Variants in GRK3 observed in about 807,000 individuals in gnomAD.
The protein encoded by GRK3 is G protein-coupled receptor kinase 3.
GRK3 carries 54 observed loss-of-function variants against 95.7 expected under a neutral mutation model. The observed-to-expected ratio is 0.56, with a 90% CI of 0.45 to 0.71. The LOEUF is 0.71. Ranked by LOEUF, GRK3 falls within the 30% of genes least tolerant of loss-of-function variation. The pLI is 0.00. For missense variants in GRK3, 649 were observed against 851.2 expected (o/e 0.76, Z 2.96); for synonymous variants, 281 against 290.8 (o/e 0.97, Z 0.34).
At chr22:25,576,968 A>C (rs1467586862) in intron 1 of GRK3, among the ~76,000 whole-genome samples, 1 of 152,226 alleles carries the variant, frequency 6.6e-6, no homozygotes, top group East Asian at 1.9e-4. Context: ...CATGTTAACT[A>C]ATAAGATTGT....
At chr22:25,567,694 A>G (rs1459878806) in intron 1 of GRK3, among the ~76,000 whole-genome samples, 2 of 152,242 alleles carry the variant, frequency 1.3e-5, no homozygotes, top group Admixed American at 6.5e-5. Flanking sequence ...AGAAGCATAC[A>G]TTTTAATTTG....
intron 2 of GRK3, among the ~76,000 whole-genome samples, chr22:25,637,288 C>A (rs1343133829): frequency 6.6e-6 from 1 of 152,172 alleles, no homozygotes; most frequent in Admixed American, 6.5e-5. Flanking sequence ...TCTGTTTCTC[C>A]AGCTTGCAGA....
intron 9 of GRK3, among the ~76,000 whole-genome samples, chr22:25,679,916 C>A (rs191216163): frequency 4.3e-4 from 66 of 152,306 alleles, no homozygotes; most frequent in African/African-American, 1.4e-3. Context: ...TCTGAAAAAA[C>A]CAAATTTTAG....
chr22:25,611,934 G>A (rs1164918157), intron 2 of GRK3, among the ~76,000 whole-genome samples: 1 of 147,410 alleles, frequency 6.8e-6, no homozygotes, highest in Non-Finnish European at 1.5e-5. Context: ...CCAGGTTCAA[G>A]TGATTCTCCT....
intron 13 of GRK3, among the ~76,000 whole-genome samples, chr22:25,701,789 G>A (rs1601537632): frequency 6.6e-6 from 1 of 152,150 alleles, no homozygotes; most frequent in East Asian, 1.9e-4. Context: ...ACATCGTCGG[G>A]TGGAAACAGC....
intron 18 of GRK3, 84 bp downstream of exon 18, chr22:25,714,654 G>T (rs983460047): frequency 2.0e-5 from 27 of 1,337,182 alleles, no homozygotes; most frequent in Non-Finnish European, 2.6e-5. Context: ...TATTTGGGTC[G>T]TAAGGTATTT....
At chr22:25,697,498 G>T (rs138815655) in intron 13 of GRK3, among the ~76,000 whole-genome samples, 5 of 152,204 alleles carry the variant, frequency 3.3e-5, no homozygotes, top group African/African-American at 9.6e-5. Flanking sequence ...GAGGATGGCC[G>T]TGAGGCTGGG....
Position 25,568,253 on chromosome 22 carries a change from C to A in GRK3, c.113+3100C>A, listed in dbSNP as rs147429022. 5.3e-3 allele frequency among the ~76,000 whole-genome samples: 806 copies of A among 152,164 alleles called. 5 individuals are homozygous for A. The highest frequency in any genetic ancestry group is 9.5e-3 in the Non-Finnish European group (649 of 68,020). ...GCAAAGGCCCACAAAGGGTCATCATCTTAAGCCCTGGAGTGATTCAGACGA... is the reference window on the plus strand; with the variant it reads ...GCAAAGGCCCACAAAGGGTCATCATATTAAGCCCTGGAGTGATTCAGACGA... On this transcript the variant is annotated intron_variant, in intron 1 of 20. Coordinates refer to ENST00000324198, the MANE Select transcript of GRK3 (RefSeq NM_005160.4).
At chr22:25,589,312 A>T (rs1932419080) in intron 1 of GRK3, among the ~76,000 whole-genome samples, 1 of 152,190 alleles carries the variant, frequency 6.6e-6, no homozygotes, top group Non-Finnish European at 1.5e-5. Flanking sequence ...TAAGGTGTTG[A>T]CGTACAACCT....
At chr22:25,632,392 C>T (rs553807938) in intron 2 of GRK3, among the ~76,000 whole-genome samples, 1 of 152,262 alleles carries the variant, frequency 6.6e-6, no homozygotes, top group Non-Finnish European at 1.5e-5. Context: ...TTTGTGTTCT[C>T]ATTATTGCAT....
intron 17 of GRK3, among the ~76,000 whole-genome samples, chr22:25,711,993 G>A (rs897646038): frequency 6.6e-6 from 1 of 152,224 alleles, no homozygotes; most frequent in African/African-American, 2.4e-5. Flanking sequence ...AGACACGTAG[G>A]ACTGGGACCA....
chr22:25,625,515 G>A (rs541654187), intron 2 of GRK3, among the ~76,000 whole-genome samples: 16 of 152,290 alleles, frequency 1.1e-4, no homozygotes, highest in African/African-American at 1.9e-4. Flanking sequence ...AGCGAAAAGT[G>A]TCAAGGAACA....
At chr22:25,718,593 T>G (rs2085405598) in intron 19 of GRK3, among the ~76,000 whole-genome samples, 1 of 152,220 alleles carries the variant, frequency 6.6e-6, no homozygotes, top group Non-Finnish European at 1.5e-5. Flanking sequence ...TAGAACATGC[T>G]TTTTAGTGAG....
intron 2 of GRK3, among the ~76,000 whole-genome samples, chr22:25,613,164 C>G (rs1218868368): frequency 6.6e-6 from 1 of 151,208 alleles, no homozygotes; most frequent in Non-Finnish European, 1.5e-5. Flanking sequence ...ATAGAGCCGT[C>G]TTGCATAAGG....
chr22:25,672,270 T>C (rs781500942), intron 6 of GRK3, 26 bp from the exon 7 acceptor site: 1 of 1,178,720 alleles, frequency 8.5e-7, no homozygotes, highest in South Asian at 1.4e-5. Flanking sequence ...ATTTAACTTT[T>C]TAGTAATTAT....
rs188579437 is a variant in GRK3 at position 25,688,000 on chromosome 22, G to A, written c.957+333G>A. On this transcript the variant is annotated intron_variant, in intron 11 of 20. Coordinates refer to ENST00000324198, the MANE Select transcript of GRK3 (RefSeq NM_005160.4). ...GCCTGTAATCCCAGCACTTTGGGAG[G>A]CCAAGGAGGGCGGATCACAAGGTCA... Among the ~76,000 whole-genome samples the A allele has an allele frequency of 4.9e-3, 752 of 152,256 alleles. 5 individuals carry two copies. The highest frequency in any genetic ancestry group is 9.0e-3 in the Non-Finnish European group (612 of 68,024).
At position 25,725,618 on chromosome 22, in the gene GRK3, T is replaced by G. The variant is rs1301953245; in HGVS notation, c.*3168T>G. 3 of 398,442 alleles carry G rather than the reference T, an allele frequency of 7.5e-6. No individual in the cohort carries two copies. Among genetic ancestry groups the G allele is most frequent in the African/African-American group, 6.2e-5 (3 of 48,596 alleles). 24.7% of individuals were successfully genotyped at this position (398,442 alleles called of 1,614,324 possible). ...AGTGCTCATGCCTCTGATTGGTCCA[T>G]TCACTGACGTGACAATTTCAGGTCC... On this transcript the variant is annotated 3_prime_UTR_variant, in exon 21 of 21. Transcript: ENST00000324198.
Position 25,704,120 on chromosome 22 carries a change from T to C in GRK3, c.1239T>C (p.Leu413=). ...CGTCTTTTCCCCAGAATGTGGAACTTCCAGACACCTTCTCTCCTGAACTGA... is the reference window on the plus strand; with the variant it reads ...CGTCTTTTCCCCAGAATGTGGAACTCCCAGACACCTTCTCTCCTGAACTGA... ...DRMTLTVNVE[L]PDTFSPELKS... is the part of the protein sequence containing the mutation. The change falls in exon 15 of 21, where the codon CTT becomes CTC. Residue 413 remains leucine, a synonymous_variant. Transcript: ENST00000324198. 1.9e-6 allele frequency: 3 copies of C among 1,612,378 alleles called. No homozygotes were observed. The highest frequency in any genetic ancestry group is 2.5e-6 in the Non-Finnish European group (3 of 1,179,012).
intron 7 of GRK3, 94 bp from the exon 8 acceptor site, chr22:25,674,342 AT>A: frequency 1.0e-6 from 1 of 986,764 alleles, no homozygotes; most frequent in East Asian, 2.5e-5. Context: ...TCAGATTGCT[AT>A]TTTAATTACT....
Sources: allele counts gnomAD v4.1 joint callset (sites outside exome capture counted in the v4.1 genomes callset), GRCh38; gene constraint gnomAD v4.1.1; transcripts MANE v1.5; gene names NCBI Gene and HGNC (gene_info 2026-07-23, HGNC 2026-07-21).